GDI2: variants seen among roughly 807,000 people sequenced by gnomAD.
GDI2 encodes GDP dissociation inhibitor 2.
GDI2 carries 22 observed loss-of-function variants against 54.2 expected under a neutral mutation model. The ratio of observed to expected loss-of-function variants is 0.41; its 90% CI spans 0.29 to 0.58. The LOEUF (loss-of-function observed/expected upper bound fraction) is 0.58, where lower values mean the gene tolerates loss of function less well. Ranked by LOEUF, GDI2 falls within the 20% of genes least tolerant of loss-of-function variation. The pLI is 0.35. For synonymous variants in GDI2, 177 were observed against 182.1 expected, an observed-to-expected ratio of 0.97 and a Z score of 0.23; for missense variants, 422 against 546.0, an observed-to-expected ratio of 0.77 and a Z score of 2.26.
intron 4 of GDI2, among the ~76,000 whole-genome samples, chr10:5,788,107 T>C (rs907575130): frequency 6.6e-6 from 1 of 152,172 alleles, no homozygotes; most frequent in Non-Finnish European, 1.5e-5. Flanking sequence ...TATAATTGTA[T>C]TACAAATACT....
At chr10:5,772,086 A>AC (rs984666406) in intron 7 of GDI2, among the ~76,000 whole-genome samples, 9 of 151,872 alleles carry the variant, frequency 5.9e-5, no homozygotes, top group East Asian at 1.9e-4. Flanking sequence ...GAAAAAAAAA[A>AC]ACACACCATT....
intron 1 of GDI2, among the ~76,000 whole-genome samples, chr10:5,804,087 T>A (rs1488295669): frequency 3.1e-5 from 3 of 95,862 alleles, no homozygotes; most frequent in Non-Finnish European, 7.6e-5. Context: ...GGAGTGTGAA[T>A]CATTCTTTCT....
chr10:5,771,016 C>CAA (rs35350509), intron 7 of GDI2, among the ~76,000 whole-genome samples: 2,208 of 113,558 alleles, frequency 0.019, 56 homozygotes, highest in African/African-American at 0.065. Context: ...TACTTTATCA[C>CAA]AAAAAAAAAA....
intron 6 of GDI2, among the ~76,000 whole-genome samples, chr10:5,780,217 A>AAAACAAAC (rs200803775): frequency 6.9e-6 from 1 of 144,094 alleles, no homozygotes; most frequent in African/African-American, 2.5e-5. Context: ...TCCAAAAAAA[A>AAAACAAAC]AAACAAACAA....
chr10:5,790,277 C>A (rs1019988261), intron 4 of GDI2, among the ~76,000 whole-genome samples: 2 of 152,202 alleles, frequency 1.3e-5, no homozygotes, highest in African/African-American at 4.8e-5. Flanking sequence ...AATGTACTTT[C>A]TCTTCCTTAT....
intron 1 of GDI2, among the ~76,000 whole-genome samples, chr10:5,804,040 CTTAAA>C (rs1332427605): frequency 6.6e-6 from 1 of 151,860 alleles, no homozygotes; most frequent in Non-Finnish European, 1.5e-5. Context: ...TCTTAAATGT[CTTAAA>C]TTACTTACCA....
At chr10:5,788,374 T>C (rs766634900) in intron 4 of GDI2, among the ~76,000 whole-genome samples, 4 of 152,092 alleles carry the variant, frequency 2.6e-5, no homozygotes, top group Non-Finnish European at 5.9e-5. Context: ...ATTTAAAGCG[T>C]CCTTCTCACA....
chr10:5,798,770 C>T (rs1204175617), intron 2 of GDI2, among the ~76,000 whole-genome samples: 1 of 151,846 alleles, frequency 6.6e-6, no homozygotes, highest in African/African-American at 2.4e-5. Flanking sequence ...TTGAGGAGTT[C>T]GAGACCAGCA....
chr10:5,776,305 T>A lies in GDI2; in HGVS notation c.720-2364A>T, dbSNP rs10905159. On this transcript the variant is annotated intron_variant, in intron 6 of 10. Coordinates refer to ENST00000380191, the MANE Select transcript of GDI2 (RefSeq NM_001494.4). This position sits in a 1 kb window ranked among gnomAD's most constrained non-coding sequence, Gnocchi z 5.3. ...AAAAGACTGAAAGCCCAGCAGAACA[T>A]AGGATGTAGCTGCCCATCTCACAAA... is the stretch of plus-strand genomic sequence containing the variant. The A allele has an allele frequency of 1.7e-6, 1 of 589,022 alleles. No homozygotes were observed. Among genetic ancestry groups the A allele is most frequent in the South Asian group, 1.8e-5 (1 of 54,344 alleles). 36.5% of individuals were successfully genotyped at this position (589,022 alleles called of 1,614,324 possible). A position where few individuals can be genotyped will look rare whatever the true frequency, so the allele number is the denominator to read the frequency against.
In GDI2 at chr10:5,776,830, G is replaced by A; in HGVS notation, c.720-2889C>T. On this transcript the variant is annotated intron_variant, in intron 6 of 10. Transcript: ENST00000380191. The surrounding 1 kb of genome is among the most constrained non-coding windows in gnomAD (Gnocchi z 5.3). ...CTCCAGAACTTCCCCTTATGGAGCT[G>A]AGGATATTCTGAAAGGATTTATGAA... The A allele has an allele frequency of 1.4e-6, 2 of 1,380,974 alleles. No individual in the cohort carries two copies. Among genetic ancestry groups the A allele is most frequent in the Non-Finnish European group, 2.0e-6 (2 of 998,614 alleles). The allele number at this position is 1,380,974 out of a possible 1,614,324, so 85.5% of individuals were successfully genotyped here. A position where few individuals can be genotyped will look rare whatever the true frequency, so the allele number is the denominator to read the frequency against.
At chr10:5,792,186 G>A (rs994063534) in intron 4 of GDI2, among the ~76,000 whole-genome samples, 2 of 152,160 alleles carry the variant, frequency 1.3e-5, no homozygotes, top group Non-Finnish European at 2.9e-5. Context: ...GGTTAAGAGT[G>A]TGGGATTCTA....
intron 1 of GDI2, among the ~76,000 whole-genome samples, chr10:5,801,117 A>G (rs928126288): frequency 6.6e-6 from 1 of 151,796 alleles, no homozygotes; most frequent in East Asian, 2.0e-4. Flanking sequence ...ACACCCGGCT[A>G]ATTTTTTGTA....
chr10:5,811,324 T>G (rs1473045040), intron 1 of GDI2, among the ~76,000 whole-genome samples: 1 of 152,174 alleles, frequency 6.6e-6, no homozygotes, highest in Non-Finnish European at 1.5e-5. Context: ...TCTAGTTAAG[T>G]ATGCATCTAC....
intron 1 of GDI2, among the ~76,000 whole-genome samples, chr10:5,805,902 C>G (rs1227184727): frequency 6.6e-6 from 1 of 152,222 alleles, no homozygotes; most frequent in African/African-American, 2.4e-5. Flanking sequence ...CTTTGGGTAA[C>G]ACAGCTGTAG....
chr10:5,773,625 T>A (rs1840547947), intron 7 of GDI2, among the ~76,000 whole-genome samples: 1 of 152,178 alleles, frequency 6.6e-6, no homozygotes, highest in African/African-American at 2.4e-5. Flanking sequence ...AGCTCACCCA[T>A]AATGCATATT....
rs1329039218 is a variant in GDI2, at chr10:5,768,548, T to C, written c.820-164A>G. ...AATTCTGGAACAACCAAAACAATCT[T>C]AAAAGAAGAACAGCAAAGCTGGAGG... is the stretch of plus-strand genomic sequence containing the variant. On this transcript the variant is annotated intron_variant, in intron 7 of 10. Coordinates refer to ENST00000380191, the MANE Select transcript of GDI2 (RefSeq NM_001494.4). The surrounding 1 kb of genome is among the most constrained non-coding windows in gnomAD (Gnocchi z 4.4). 6.7e-6 allele frequency: 4 copies of C among 595,270 alleles called. No homozygotes were observed. The African/African-American group carries it at 7.4e-5, about 11-fold the overall frequency. The allele number at this position is 595,270 out of a possible 1,614,324, so 36.9% of individuals were successfully genotyped here.
At chr10:5,792,688 CAAA>C (rs5782859) in intron 4 of GDI2, among the ~76,000 whole-genome samples, 1 of 131,084 alleles carries the variant, frequency 7.6e-6, no homozygotes. Flanking sequence ...TGCGCTTATT[CAAA>C]AAAAAAAAAA....
At chr10:5,782,413 TTTC>T (rs1296719300) in intron 6 of GDI2, among the ~76,000 whole-genome samples, 1 of 152,194 alleles carries the variant, frequency 6.6e-6, no homozygotes, top group African/African-American at 2.4e-5. Flanking sequence ...TGTTTTACAG[TTTC>T]TTATGAATTC....
At chr10:5,812,694 A>T (rs944795940) in intron 1 of GDI2, among the ~76,000 whole-genome samples, 2 of 152,250 alleles carry the variant, frequency 1.3e-5, no homozygotes, top group African/African-American at 4.8e-5. Flanking sequence ...AAGTTAATCA[A>T]GCCCTAGCAG....
Sources: gnomAD v4.1 joint callset for allele counts (sites outside exome capture counted in the v4.1 genomes callset) on GRCh38, gnomAD v4.1.1 for gene constraint, Gnocchi (gnomAD v3.1) non-coding constraint, MANE v1.5 for transcripts, NCBI Gene and HGNC (gene_info 2026-07-23, HGNC 2026-07-21) for gene names.